The following RAB3GAP2 variants were observed in gnomAD, a reference collection of about 807,000 sequenced individuals.
The protein encoded by RAB3GAP2 is RAB3 GTPase activating non-catalytic protein subunit 2.
Under a neutral mutation model 185.3 loss-of-function variants are expected in RAB3GAP2, and 87 were observed. The observed-to-expected ratio is 0.47, with a 90% CI of 0.39 to 0.56. The LOEUF (loss-of-function observed/expected upper bound fraction) is 0.56. RAB3GAP2 is among the 20% of genes least tolerant of loss of function. The probability of loss-of-function intolerance (pLI) is 0.00; values close to 1 mark genes in which losing one functional copy is unlikely to be tolerated. For synonymous variants in RAB3GAP2, 554 were observed against 576.1 expected (o/e 0.96, Z 0.55); for missense variants, 1,492 against 1,638.2 (o/e 0.91, Z 1.54).
rs370680755 is a variant in RAB3GAP2, at chr1:220,151,402, G to A, written c.4031C>T (p.Pro1344Leu). 16 of 1,613,918 alleles carry A rather than the reference G, an allele frequency of 9.9e-6. No individual in the cohort carries two copies. Among genetic ancestry groups the A allele is most frequent in the South Asian group, 6.6e-5 (6 of 91,074 alleles). Residue 1344 changes from proline (P) to leucine (L), a missense_variant, in exon 35 of 35, where the codon CCC (proline) becomes CTC (leucine). Coordinates refer to ENST00000358951, the MANE Select transcript of RAB3GAP2 (RefSeq NM_012414.4). ...TLCTWLKAMDPQDLQNTEVPI... is the reference protein window; with the variant it reads ...TLCTWLKAMDLQDLQNTEVPI... ...CACTTCAGTGTTTTGAAGGTCCTGG[G>A]GGTCCTGCAAATGGGACACAAAAAT...
At chr1:220,172,117 G>A in intron 22 of RAB3GAP2, 68 bp from the exon 23 acceptor site, 1 of 1,507,464 alleles carries the variant, frequency 6.6e-7, no homozygotes, top group Non-Finnish European at 9.1e-7. Context: ...AACCATTTAT[G>A]TTAAACATAA....
At chr1:220,172,111 A>G in intron 22 of RAB3GAP2, 62 bp from the exon 23 acceptor site, 1 of 1,534,540 alleles carries the variant, frequency 6.5e-7, no homozygotes, top group Non-Finnish European at 9.0e-7. Context: ...TGGACTAACC[A>G]TTTATGTTAA....
At chr1:220,235,107 T>C (rs1001494208) in intron 1 of RAB3GAP2, among the ~76,000 whole-genome samples, 1 of 152,180 alleles carries the variant, frequency 6.6e-6, no homozygotes, top group Non-Finnish European at 1.5e-5. Context: ...TTAGACTACA[T>C]GTACTCCTAC....
intron 7 of RAB3GAP2, among the ~76,000 whole-genome samples, chr1:220,209,274 T>G (rs544352422): frequency 1.3e-5 from 2 of 152,334 alleles, no homozygotes; most frequent in East Asian, 3.9e-4. Flanking sequence ...TATGCAAAAT[T>G]TGGCCACTCT....
At chr1:220,167,742 G>A (rs1658097281) in intron 24 of RAB3GAP2, 67 bp from the exon 25 acceptor site, 2 of 1,489,458 alleles carry the variant, frequency 1.3e-6, no homozygotes, top group Non-Finnish European at 1.9e-6. Flanking sequence ...GCCAATGGGA[G>A]CCAATTTCCT....
chr1:220,182,112 A>C (rs1268572560), intron 21 of RAB3GAP2, 145 bp downstream of exon 21: 94 of 1,330,484 alleles, frequency 7.1e-5, no homozygotes, highest in Non-Finnish European at 9.2e-5. Context: ...TATGGTGATT[A>C]AAATTTTCTT....
intron 2 of RAB3GAP2, among the ~76,000 whole-genome samples, chr1:220,223,437 C>T (rs548274916): frequency 1.3e-5 from 2 of 152,120 alleles, no homozygotes; most frequent in African/African-American, 2.4e-5. Context: ...TAATGGTATG[C>T]GTTCCCCAAA....
At chr1:220,271,074 G>C (rs917933409) in intron 1 of RAB3GAP2, 6 of 152,150 alleles carry the variant, frequency 3.9e-5, no homozygotes, top group African/African-American at 1.4e-4. Context: ...TCAAGAAAAT[G>C]CCTCATGTAT....
chr1:220,190,245 T>G, intron 15 of RAB3GAP2, 99 bp from the exon 16 acceptor site: 1 of 1,506,788 alleles, frequency 6.6e-7, no homozygotes, highest in East Asian at 2.3e-5. Context: ...TATTTCCTAT[T>G]TAACTTTAAA....
At chr1:220,187,230 G>T (rs1658523190) in intron 17 of RAB3GAP2, among the ~76,000 whole-genome samples, 1 of 152,110 alleles carries the variant, frequency 6.6e-6, no homozygotes, top group Non-Finnish European at 1.5e-5. Flanking sequence ...TTGAACAATG[G>T]GGGTGCTAGG....
chr1:220,219,856 T>C (rs1233687642), intron 2 of RAB3GAP2, among the ~76,000 whole-genome samples: 2 of 152,070 alleles, frequency 1.3e-5, no homozygotes, highest in African/African-American at 4.8e-5. Context: ...AGGCAAGAAA[T>C]AGGGCTGTAA....
chr1:220,167,250 C>A (rs573548968), intron 26 of RAB3GAP2, 43 bp downstream of exon 26: 1 of 1,541,992 alleles, frequency 6.5e-7, no homozygotes, highest in Admixed American at 1.7e-5. Flanking sequence ...ATAGCATGAA[C>A]ACAGAAGCAG....
chr1:220,169,097 T>G lies in RAB3GAP2; in HGVS notation c.2807-1422A>C, dbSNP rs141694872. Among the ~76,000 whole-genome samples the G allele has an allele frequency of 3.3e-3, 507 of 152,332 alleles. 2 individuals carry two copies. Among genetic ancestry groups the G allele is most frequent in the African/African-American group, 0.012 (489 of 41,572 alleles). ...CTGATTCCATTGCTTAGGTTAATAT[T>G]CAAATGGCATCCTTACCCTTTCACT... On this transcript the variant is annotated intron_variant, in intron 24 of 34. Coordinates refer to ENST00000358951, the MANE Select transcript of RAB3GAP2 (RefSeq NM_012414.4).
chr1:220,183,473 G>A (rs980162761), intron 19 of RAB3GAP2, among the ~76,000 whole-genome samples: 3 of 151,726 alleles, frequency 2.0e-5, no homozygotes, highest in East Asian at 1.9e-4. Flanking sequence ...GGCTGCTCTC[G>A]AACTCCTGGG....
At chr1:220,270,191 G>A (rs568637182) in intron 1 of RAB3GAP2, among the ~76,000 whole-genome samples, 4 of 152,258 alleles carry the variant, frequency 2.6e-5, no homozygotes, top group Non-Finnish European at 4.4e-5. Context: ...TCAGCTCCGA[G>A]GGCCTTACTC....
chr1:220,182,467 G>T, intron 20 of RAB3GAP2, 113 bp from the exon 21 acceptor site: 5 of 1,503,594 alleles, frequency 3.3e-6, no homozygotes, highest in East Asian at 2.4e-5. Context: ...TGAAGGAAGA[G>T]AAATTAATTG....
intron 2 of RAB3GAP2, among the ~76,000 whole-genome samples, chr1:220,226,195 T>C (rs927986681): frequency 5.9e-5 from 9 of 152,158 alleles, no homozygotes; most frequent in African/African-American, 2.2e-4. Flanking sequence ...AACCACTAGC[T>C]GTTTACTATT....
chr1:220,267,242 A>T, intron 1 of RAB3GAP2: 1 of 919,550 alleles, frequency 1.1e-6, no homozygotes, highest in South Asian at 1.3e-5. Context: ...TCAAACTTTG[A>T]AAGTTTCTGA....
intron 1 of RAB3GAP2, among the ~76,000 whole-genome samples, chr1:220,237,287 C>A (rs1659611534): frequency 1.3e-5 from 2 of 152,186 alleles, no homozygotes; most frequent in African/African-American, 4.8e-5. Context: ...AATTATACGG[C>A]AATTTAAACA....
Sources: gnomAD v4.1 joint callset for allele counts (sites outside exome capture counted in the v4.1 genomes callset) on GRCh38, gnomAD v4.1.1 for gene constraint, MANE v1.5 for transcripts, NCBI Gene and HGNC (gene_info 2026-07-23, HGNC 2026-07-21) for gene names.